Variants in MRTFB observed in about 807,000 individuals in gnomAD.
MRTFB encodes myocardin related transcription factor B.
A neutral mutation model predicts 104.2 loss-of-function variants in MRTFB; 29 were observed. The observed-to-expected ratio is 0.28, with a 90% CI of 0.21 to 0.38. The LOEUF (loss-of-function observed/expected upper bound fraction) is 0.38. MRTFB is among the 10% of genes least tolerant of loss of function. The pLI, the probability that MRTFB is intolerant of heterozygous loss-of-function variation, is 1.00. For synonymous variants in MRTFB, 535 were observed against 519.5 expected (o/e 1.03, Z -0.41); for missense variants, 1,270 against 1,341.6 (o/e 0.95, Z 0.83).
At chr16:14,108,648 T>A (rs966253834) in intron 2 of MRTFB, among the ~76,000 whole-genome samples, 10 of 152,224 alleles carry the variant, frequency 6.6e-5, no homozygotes, top group African/African-American at 2.2e-4. Flanking sequence ...TCCCCTTGGA[T>A]TGGAGATTCT....
At chr16:14,176,264 G>A (rs2187662) in intron 3 of MRTFB, among the ~76,000 whole-genome samples, 8,839 of 152,262 alleles carry the variant, frequency 0.058, 504 homozygotes, top group East Asian at 0.29. Flanking sequence ...TGTAAAAATT[G>A]CTGAAACACT....
At chr16:14,120,775 T>G (rs2036805450) in intron 2 of MRTFB, among the ~76,000 whole-genome samples, 1 of 152,228 alleles carries the variant, frequency 6.6e-6, no homozygotes, top group Non-Finnish European at 1.5e-5. Flanking sequence ...GGGGATAGAA[T>G]AGTGGGTGGT....
chr16:14,063,791 G>A, the MRTFB span, among the ~76,000 whole-genome samples: 1 of 152,180 alleles, frequency 6.6e-6, no homozygotes, highest in Non-Finnish European at 1.5e-5. Flanking sequence ...TGTCCATGCT[G>A]CAAAGGACAT....
chr16:14,003,655 TC>T, the MRTFB span, among the ~76,000 whole-genome samples: 1 of 138,668 alleles, frequency 7.2e-6, no homozygotes, highest in Non-Finnish European at 1.5e-5. Context: ...CCTCCCTCCC[TC>T]CCTCCCTCCC....
intron 2 of MRTFB, among the ~76,000 whole-genome samples, chr16:14,137,431 AT>A (rs1407177039): frequency 2.0e-5 from 3 of 152,102 alleles, no homozygotes; most frequent in African/African-American, 7.2e-5. Context: ...GCATGAAAAT[AT>A]TTTTTTAAAT....
chr16:14,166,795 A>C (rs2039259026), intron 3 of MRTFB, among the ~76,000 whole-genome samples: 1 of 152,126 alleles, frequency 6.6e-6, no homozygotes, highest in African/African-American at 2.4e-5. Flanking sequence ...TTTGCTGAGG[A>C]TCACAGCTTC....
At chr16:14,012,820 AT>A in the MRTFB span, among the ~76,000 whole-genome samples, 1 of 152,162 alleles carries the variant, frequency 6.6e-6, no homozygotes, top group South Asian at 2.1e-4. Flanking sequence ...CTAAAATGTC[AT>A]GGCCCTGGAG....
intron 8 of MRTFB, among the ~76,000 whole-genome samples, chr16:14,220,192 AC>A (rs1245388824): frequency 1.3e-5 from 2 of 152,206 alleles, no homozygotes; most frequent in Non-Finnish European, 2.9e-5. Context: ...AGCAAGGGAG[AC>A]TAAACCCTAC....
rs914092239 is a variant in MRTFB, at chr16:14,258,085, C to G, written c.2704-16C>G. ...TTGTATGAAAGAAACCTAATTTGTA[C>G]TCTCCTTCATTGTAGATTTCCAACG... On this transcript the variant is annotated splice_polypyrimidine_tract_variant and intron_variant, in intron 15 of 16. Coordinates refer to ENST00000571589, the MANE Select transcript of MRTFB (RefSeq NM_001308142.2). 2 of 1,610,700 alleles carry G rather than the reference C, an allele frequency of 1.2e-6. No individual in the cohort carries two copies.
intron 2 of MRTFB, among the ~76,000 whole-genome samples, chr16:14,089,137 A>G (rs1440073163): frequency 6.6e-6 from 1 of 152,250 alleles, no homozygotes; most frequent in Non-Finnish European, 1.5e-5. Flanking sequence ...ACCATTTTAA[A>G]TAATAACAGC....
chr16:13,997,396 T>C, the MRTFB span, among the ~76,000 whole-genome samples: 20 of 152,160 alleles, frequency 1.3e-4, no homozygotes, highest in Admixed American at 1.2e-3. Context: ...AAAAATACTA[T>C]TGTATTTTGT....
chr16:14,153,851 AT>A (rs1353826132), intron 3 of MRTFB, among the ~76,000 whole-genome samples: 2 of 152,048 alleles, frequency 1.3e-5, no homozygotes, highest in Non-Finnish European at 1.5e-5. Context: ...ACCTTTATTG[AT>A]TTTCTTTTTA....
chr16:14,246,041 T>TCA (rs987746613), intron 11 of MRTFB, among the ~76,000 whole-genome samples: 4 of 151,674 alleles, frequency 2.6e-5, no homozygotes, highest in African/African-American at 9.8e-5. Context: ...TGTGGTACCT[T>TCA]CAGTGAGTGC....
chr16:14,025,292 C>A, the MRTFB span, among the ~76,000 whole-genome samples: 1 of 152,180 alleles, frequency 6.6e-6, no homozygotes, highest in Non-Finnish European at 1.5e-5. Context: ...GTGATCCTCC[C>A]ATCTTAGCCT....
At chr16:14,100,812 A>G (rs2142053854) in intron 2 of MRTFB, among the ~76,000 whole-genome samples, 1 of 152,332 alleles carries the variant, frequency 6.6e-6, no homozygotes, top group Admixed American at 6.5e-5. Flanking sequence ...GTATCTTTCA[A>G]GGAATTTGTC....
chr16:14,143,568 A>G (rs1470233390), intron 3 of MRTFB: 1 of 146,710 alleles, frequency 6.8e-6, no homozygotes, highest in Non-Finnish European at 1.5e-5. Context: ...CGTGCAGGTT[A>G]GTTACATATG....
chr16:14,210,931 G>T (rs938683673), intron 4 of MRTFB, among the ~76,000 whole-genome samples: 3 of 152,164 alleles, frequency 2.0e-5, no homozygotes, highest in African/African-American at 7.2e-5. Flanking sequence ...TTTGGAGGTG[G>T]TTTTATATTT....
At chr16:14,124,123 A>G (rs1045934291) in intron 2 of MRTFB, among the ~76,000 whole-genome samples, 3 of 152,204 alleles carry the variant, frequency 2.0e-5, no homozygotes, top group Non-Finnish European at 4.4e-5. Flanking sequence ...TTGTATCCTG[A>G]GACTTTGCTG....
At chr16:14,132,683 C>G (rs2037498921) in intron 2 of MRTFB, among the ~76,000 whole-genome samples, 1 of 152,188 alleles carries the variant, frequency 6.6e-6, no homozygotes, top group Non-Finnish European at 1.5e-5. Context: ...ACCCAGGTTG[C>G]TGATTTGAGA....
Sources: allele counts gnomAD v4.1 joint callset (sites outside exome capture counted in the v4.1 genomes callset), GRCh38; gene constraint gnomAD v4.1.1; transcripts MANE v1.5; gene names NCBI Gene and HGNC (gene_info 2026-07-23, HGNC 2026-07-21).